KIT: variants seen among roughly 807,000 people sequenced by gnomAD.
KIT encodes KIT proto-oncogene, receptor tyrosine kinase.
A neutral mutation model predicts 105.7 loss-of-function variants in KIT; 16 were observed. That is an observed-to-expected ratio of 0.15 (90% CI 0.10 to 0.23). The LOEUF (loss-of-function observed/expected upper bound fraction) is 0.23. Ranked by LOEUF, KIT falls within the 10% of genes least tolerant of loss-of-function variation. The probability of loss-of-function intolerance (pLI) is 1.00; values close to 1 mark genes in which losing one functional copy is unlikely to be tolerated. For missense variants in KIT, 858 were observed against 1,213.8 expected (o/e 0.71, Z 4.36); for synonymous variants, 438 against 441.1 (o/e 0.99, Z 0.09).
intron 4 of KIT, 44 bp downstream of exon 4, chr4:54,699,810 AGAT>A (rs1207553554): frequency 6.2e-7 from 1 of 1,610,564 alleles, no homozygotes; most frequent in East Asian, 2.2e-5. Flanking sequence ...TCTCTGTGGG[AGAT>A]GATAAGTTTT....
At chr4:54,694,414 C>T (rs1050814478) in intron 1 of KIT, among the ~76,000 whole-genome samples, 2 of 152,160 alleles carry the variant, frequency 1.3e-5, no homozygotes, top group Non-Finnish European at 2.9e-5. Context: ...TGCAGTGTTG[C>T]AATCACAGTT....
intron 1 of KIT, among the ~76,000 whole-genome samples, chr4:54,680,623 C>T (rs1490850967): frequency 1.3e-5 from 2 of 151,954 alleles, no homozygotes; most frequent in African/African-American, 2.4e-5. Flanking sequence ...GAACTCTTGA[C>T]CTCAGGTGAT....
intron 1 of KIT, among the ~76,000 whole-genome samples, chr4:54,663,505 CAG>C (rs1312229843): frequency 6.6e-6 from 1 of 151,748 alleles, no homozygotes; most frequent in Non-Finnish European, 1.5e-5. Context: ...AACGTGTAAA[CAG>C]AATATGTAGA....
chr4:54,708,265 G>A (rs1239559508), intron 6 of KIT, among the ~76,000 whole-genome samples: 1 of 152,126 alleles, frequency 6.6e-6, no homozygotes, highest in Admixed American at 6.6e-5. Flanking sequence ...GATCTTGAGT[G>A]GGATTGTTTA....
chr4:54,667,246 G>C (rs1337043719), intron 1 of KIT, among the ~76,000 whole-genome samples: 1 of 152,118 alleles, frequency 6.6e-6, no homozygotes, highest in Non-Finnish European at 1.5e-5. Flanking sequence ...TGGCACGTTT[G>C]AGATCAGCCC....
intron 16 of KIT, 151 bp from the exon 17 acceptor site, chr4:54,732,919 T>C (rs1227040118): frequency 4.8e-6 from 3 of 622,316 alleles, no homozygotes; most frequent in Non-Finnish European, 8.3e-6. Flanking sequence ...GGCGTACTTT[T>C]GATTTTTATT....
intron 1 of KIT, among the ~76,000 whole-genome samples, chr4:54,684,963 C>T (rs953239121): frequency 2.4e-4 from 37 of 152,214 alleles, no homozygotes; most frequent in African/African-American, 8.4e-4. Flanking sequence ...CCCCAACCTA[C>T]TACCTTGTCC....
Position 54,703,800 on chromosome 4 carries a change from G to C in KIT, c.833G>C (p.Ser278Thr). Residue 278 changes from serine to threonine, a missense_variant, in exon 5 of 21, where the codon AGT becomes ACT. Around this residue, in one of 7 missense-constraint regions of KIT, gnomAD observed 401 missense variants for 601.0 expected, o/e 0.67. Transcript: ENST00000288135. ...NYERQATLTI[S>T]SARVNDSGVF... Reference sequence around the variant, plus strand: ...GAACGTCAGGCAACGTTGACTATCAGTTCAGCGAGAGTTAATGATTCTGGA... The same window carrying C: ...GAACGTCAGGCAACGTTGACTATCACTTCAGCGAGAGTTAATGATTCTGGA... 1.2e-6 allele frequency: 2 copies of C among 1,613,574 alleles called. No homozygotes were observed. Among genetic ancestry groups the C allele is most frequent in the Non-Finnish European group, 1.7e-6 (2 of 1,179,532 alleles).
chr4:54,733,345 C>A, intron 17 of KIT, 153 bp downstream of exon 17: 2 of 739,074 alleles, frequency 2.7e-6, no homozygotes. Context: ...GCAAAATTTG[C>A]ATGGTATGCT....
chr4:54,659,922 C>G (rs1173634702), intron 1 of KIT, among the ~76,000 whole-genome samples: 1 of 151,994 alleles, frequency 6.6e-6, no homozygotes, highest in East Asian at 1.9e-4. Flanking sequence ...TTGCTCTGTC[C>G]CCTGGGTTCT....
At chr4:54,705,855 C>A (rs997255127) in intron 5 of KIT, among the ~76,000 whole-genome samples, 13 of 152,200 alleles carry the variant, frequency 8.5e-5, no homozygotes, top group African/African-American at 3.1e-4. Context: ...GTGCTCCAGC[C>A]TGGGCAACAG....
intron 20 of KIT, among the ~76,000 whole-genome samples, chr4:54,737,885 G>C (rs952492004): frequency 3.3e-5 from 5 of 152,208 alleles, no homozygotes; most frequent in African/African-American, 4.8e-5. Context: ...CTTTGACTCA[G>C]ATTTTTTTAA....
At chr4:54,670,099 T>C (rs755133225) in intron 1 of KIT, among the ~76,000 whole-genome samples, 1 of 152,164 alleles carries the variant, frequency 6.6e-6, no homozygotes, top group Non-Finnish European at 1.5e-5. Flanking sequence ...CCCAAGAGGA[T>C]TGACTAGTGA....
At chr4:54,664,235 A>T (rs1717514197) in intron 1 of KIT, among the ~76,000 whole-genome samples, 1 of 152,202 alleles carries the variant, frequency 6.6e-6, no homozygotes, top group Non-Finnish European at 1.5e-5. Context: ...TTACTTCAGG[A>T]TTATCAAACC....
At chr4:54,662,277 A>G (rs920451364) in intron 1 of KIT, among the ~76,000 whole-genome samples, 2 of 152,148 alleles carry the variant, frequency 1.3e-5, no homozygotes, top group African/African-American at 4.8e-5. Flanking sequence ...TGTTGGTCTG[A>G]TGGCTTCATG....
intron 1 of KIT, among the ~76,000 whole-genome samples, chr4:54,660,945 A>G (rs1717216666): frequency 6.6e-6 from 1 of 152,194 alleles, no homozygotes; most frequent in African/African-American, 2.4e-5. Flanking sequence ...AATATTTAGA[A>G]TTGCGTGTCT....
intron 4 of KIT, 106 bp downstream of exon 4, chr4:54,699,872 CAG>C (rs1720344789): frequency 2.5e-6 from 3 of 1,219,888 alleles, no homozygotes; most frequent in Admixed American, 1.7e-5. Context: ...GTGCGTCTGT[CAG>C]AGGTGGATTG....
chr4:54,682,205 T>C (rs2109610387), intron 1 of KIT, among the ~76,000 whole-genome samples: 1 of 150,432 alleles, frequency 6.6e-6, no homozygotes, highest in African/African-American at 2.4e-5. Flanking sequence ...TCCTCCCACC[T>C]TAGCCTCCCA....
At chr4:54,734,062 T>A (rs1282808488) in intron 17 of KIT, among the ~76,000 whole-genome samples, 1 of 152,174 alleles carries the variant, frequency 6.6e-6, no homozygotes, top group Admixed American at 6.6e-5. Context: ...AGAGTGTTTC[T>A]GTGTTTATCT....
Sources: allele counts gnomAD v4.1 joint callset (sites outside exome capture counted in the v4.1 genomes callset), GRCh38; gene constraint gnomAD v4.1.1; regional missense constraint gnomAD v4.1.1; transcripts MANE v1.5; gene names NCBI Gene and HGNC (gene_info 2026-07-23, HGNC 2026-07-21).